Variants in BLM observed in about 807,000 individuals in gnomAD.
BLM encodes the protein BLM RecQ like helicase.
In BLM, 95 loss-of-function variants were observed where a neutral mutation model predicts 135.3. The observed-to-expected ratio is 0.70, with a 90% CI of 0.59 to 0.83. The LOEUF (loss-of-function observed/expected upper bound fraction) is 0.83, where lower values mean the gene tolerates loss of function less well. Ranked by LOEUF, BLM falls within the 40% of genes least tolerant of loss-of-function variation. The pLI, the probability that BLM is intolerant of heterozygous loss-of-function variation, is 0.00. For synonymous variants in BLM, 520 were observed against 589.2 expected (o/e 0.88, Z 1.70); for missense variants, 1,518 against 1,663.9 (o/e 0.91, Z 1.53).
intron 12 of BLM, among the ~76,000 whole-genome samples, chr15:90,782,468 G>A (rs1305685440): frequency 6.6e-6 from 1 of 152,212 alleles, no homozygotes; most frequent in African/African-American, 2.4e-5. Flanking sequence ...AGACTGGGTG[G>A]CTTAAACAAC....
rs1359674419 is a variant in BLM at position 90,784,980 on chromosome 15, T to G, written c.2722T>G (p.Leu908Val). The change falls in exon 14 of 22, where the codon TTA becomes GTA. Residue 908 changes from leucine (L) to valine (V), a missense_variant. Physicochemically the swap from Leu to Val is conservative, Grantham distance 32 (BLOSUM62 1). Around this residue, in one of 5 missense-constraint regions of BLM, gnomAD observed 626 missense variants for 681.1 expected, o/e 0.92. Transcript: ENST00000355112. ...RRECDTMADT[L>V]QRDGLAALAY... Reference sequence around the variant, plus strand: ...AGAATGTGACACCATGGCTGACACGTTACAGAGAGATGGGCTCGCTGCTCT... The same window carrying G: ...AGAATGTGACACCATGGCTGACACGGTACAGAGAGATGGGCTCGCTGCTCT... 1.2e-6 allele frequency: 2 copies of G among 1,614,076 alleles called. No individual in the cohort carries two copies. Among genetic ancestry groups the G allele is most frequent in the Non-Finnish European group, 1.7e-6 (2 of 1,180,042 alleles).
chr15:90,779,079 GT>G (rs1315012504), intron 12 of BLM, among the ~76,000 whole-genome samples: 4 of 151,936 alleles, frequency 2.6e-5, no homozygotes, highest in African/African-American at 9.7e-5. Context: ...AGAGATGGGG[GT>G]TTCCCCATAT....
In BLM at chr15:90,747,688, G is replaced by A. The variant is rs569967696; in HGVS notation, c.98+198G>A. 9.4e-6 allele frequency: 5 copies of A among 529,182 alleles called. No homozygotes were observed. In the African/African-American group the frequency reaches 9.5e-5, roughly 10 times the overall value. The allele number at this position is 529,182 out of a possible 1,614,324, so 32.8% of individuals were successfully genotyped here. The stretch of plus-strand genomic sequence containing the variant: ...TGAGATTGTGTCTCATCTTTGCATG[G>A]TTCCTGGCACATAATATTTGCTCAA... On this transcript the variant is annotated intron_variant, in intron 2 of 21. Transcript: ENST00000355112.
intron 18 of BLM, 152 bp from the exon 19 acceptor site, chr15:90,804,015 G>A: frequency 2.7e-6 from 2 of 736,472 alleles, no homozygotes; most frequent in Admixed American, 5.4e-5. Context: ...TACAAAGATG[G>A]AGAATGCACA....
At chr15:90,787,242 C>T (rs1356775860) in intron 14 of BLM, among the ~76,000 whole-genome samples, 3 of 151,190 alleles carry the variant, frequency 2.0e-5, no homozygotes, top group Non-Finnish European at 4.4e-5. Flanking sequence ...TTAGTAGAGA[C>T]GAGGGTTTCA....
chr15:90,772,764 G>GT (rs1307483950), intron 12 of BLM, among the ~76,000 whole-genome samples: 1 of 152,178 alleles, frequency 6.6e-6, no homozygotes, highest in East Asian at 1.9e-4. Flanking sequence ...GTCAGATCAA[G>GT]TTTTGTAAAG....
At chr15:90,770,495 A>G (rs1367368485) in intron 12 of BLM, among the ~76,000 whole-genome samples, 2 of 152,150 alleles carry the variant, frequency 1.3e-5, no homozygotes, top group Non-Finnish European at 2.9e-5. Flanking sequence ...ATATTTATCT[A>G]GGCTGTACTG....
At chr15:90,747,608 C>A in intron 2 of BLM, 118 bp downstream of exon 2, 1 of 743,086 alleles carries the variant, frequency 1.3e-6, no homozygotes, top group Non-Finnish European at 2.4e-6. Flanking sequence ...CTGAGAGATT[C>A]ATTGATTTTC....
intron 7 of BLM, 95 bp from the exon 8 acceptor site, chr15:90,762,871 G>A (rs1896022248): frequency 1.7e-5 from 19 of 1,132,148 alleles, no homozygotes; most frequent in South Asian, 1.3e-4. Flanking sequence ...GCAGGGAAAC[G>A]TGTGCCAGTG....
intron 12 of BLM, 83 bp downstream of exon 12, chr15:90,769,669 T>TCGC (rs1896249140): frequency 1.4e-5 from 21 of 1,496,034 alleles, no homozygotes; most frequent in Non-Finnish European, 1.5e-5. Flanking sequence ...CCTGTGGCGC[T>TCGC]TTAACGCCAC....
intron 10 of BLM, among the ~76,000 whole-genome samples, chr15:90,768,574 C>G (rs190465063): frequency 6.6e-5 from 10 of 152,310 alleles, no homozygotes; most frequent in African/African-American, 1.9e-4. Flanking sequence ...TGTCTTGAAG[C>G]AGACAAAAGT....
chr15:90,786,132 G>GGC, intron 14 of BLM, among the ~76,000 whole-genome samples: 1 of 151,186 alleles, frequency 6.6e-6, no homozygotes, highest in East Asian at 2.0e-4. Context: ...TAGGACGACA[G>GGC]GCGCACCACT....
At chr15:90,771,265 TCG>T (rs1429533548) in intron 12 of BLM, among the ~76,000 whole-genome samples, 1 of 152,192 alleles carries the variant, frequency 6.6e-6, no homozygotes, top group Admixed American at 6.5e-5. Context: ...GGCAGGTGGA[TCG>T]CCTAAGGTCA....
At chr15:90,776,889 A>G (rs1176815645) in intron 12 of BLM, among the ~76,000 whole-genome samples, 2 of 152,166 alleles carry the variant, frequency 1.3e-5, no homozygotes, top group African/African-American at 4.8e-5. Context: ...CTGTGGCTAT[A>G]GATTAGCTCT....
At chr15:90,740,167 G>A (rs1484819885) in intron 1 of BLM, among the ~76,000 whole-genome samples, 5 of 151,968 alleles carry the variant, frequency 3.3e-5, no homozygotes, top group South Asian at 2.1e-4. Context: ...AACCATCACC[G>A]CAATCAATGT....
intron 3 of BLM, 127 bp from the exon 4 acceptor site, chr15:90,751,660 G>A: frequency 1.4e-6 from 1 of 734,306 alleles, no homozygotes; most frequent in Non-Finnish European, 2.3e-6. Context: ...TAAAGGGAGA[G>A]GATCCATACA....
intron 9 of BLM, among the ~76,000 whole-genome samples, 180 bp downstream of exon 9, chr15:90,765,594 T>C (rs1896103041): frequency 6.6e-6 from 1 of 152,260 alleles, no homozygotes; most frequent in Non-Finnish European, 1.5e-5. Context: ...TCTGTTTTTA[T>C]TCTACAAGAA....
At chr15:90,719,567 C>T (rs2151124121) in intron 1 of BLM, among the ~76,000 whole-genome samples, 1 of 152,194 alleles carries the variant, frequency 6.6e-6, no homozygotes, top group South Asian at 2.1e-4. Flanking sequence ...TGCACTCCAG[C>T]CTGGGTGACA....
At chr15:90,724,680 C>G (rs1894863291) in intron 1 of BLM, among the ~76,000 whole-genome samples, 1 of 152,174 alleles carries the variant, frequency 6.6e-6, no homozygotes, top group South Asian at 2.1e-4. Flanking sequence ...AAGCAGCCAG[C>G]TGGAAGAAAT....
Sources: allele counts gnomAD v4.1 joint callset (sites outside exome capture counted in the v4.1 genomes callset), GRCh38; gene constraint gnomAD v4.1.1; regional missense constraint gnomAD v4.1.1; transcripts MANE v1.5; gene names NCBI Gene and HGNC (gene_info 2026-07-23, HGNC 2026-07-21).